ETS1: variants seen among roughly 807,000 people sequenced by gnomAD.
The protein encoded by ETS1 is ETS proto-oncogene 1, transcription factor, also known as protein C-ets-1.
ETS1 carries 15 observed loss-of-function variants against 58.6 expected under a neutral mutation model. The ratio of observed to expected loss-of-function variants is 0.26; its 90% CI spans 0.17 to 0.39. The LOEUF is 0.39. Ranked by LOEUF, ETS1 falls within the 10% of genes least tolerant of loss-of-function variation. ETS1 has a pLI of 1.00. For synonymous variants in ETS1, 214 were observed against 218.2 expected, an observed-to-expected ratio of 0.98 and a Z score of 0.17; for missense variants, 417 against 610.5, an observed-to-expected ratio of 0.68 and a Z score of 3.34.
chr11:128,488,889 T>C (rs1276208696), intron 5 of ETS1, among the ~76,000 whole-genome samples: 1 of 152,134 alleles, frequency 6.6e-6, no homozygotes, highest in Non-Finnish European at 1.5e-5. Flanking sequence ...TGAGGTATTA[T>C]GGGGCATGCA....
At position 128,460,628 on chromosome 11, in the gene ETS1, T is replaced by C. The variant is rs1366783599; in HGVS notation, c.*1733A>G. The C allele has an allele frequency of 6.6e-6, 1 of 152,356 alleles. No individual in the cohort carries two copies. Among genetic ancestry groups the C allele is most frequent in the Non-Finnish European group, 1.5e-5 (1 of 68,026 alleles). 9.4% of individuals were successfully genotyped at this position (152,356 alleles called of 1,614,324 possible). On this transcript the variant is annotated 3_prime_UTR_variant, in exon 10 of 10. Coordinates refer to ENST00000392668, the MANE Select transcript of ETS1 (RefSeq NM_001143820.2). ...TTCTAATTGTATTAGGCACTTTTCC[T>C]CACTAGTTAGATGTTGACTTTTCCT...
intron 3 of ETS1, among the ~76,000 whole-genome samples, chr11:128,555,379 T>C (rs1315308683): frequency 6.6e-6 from 1 of 152,218 alleles, no homozygotes; most frequent in Admixed American, 6.5e-5. Flanking sequence ...TTCAAGTTAG[T>C]GACTCCCCCT....
chr11:128,548,561 C>T lies in ETS1; in HGVS notation c.214+7730G>A, dbSNP rs1277799463. Among the ~76,000 whole-genome samples the T allele has an allele frequency of 2.0e-5, 3 of 152,232 alleles. No homozygotes were observed. The East Asian group carries it at 5.8e-4, about 29-fold the overall frequency. ...CTATCTCTCTATGTCCCCAACCTATCTGGAACTCCCTGTAACCTCTTGCAA... is the reference window on the plus strand; with the variant it reads ...CTATCTCTCTATGTCCCCAACCTATTTGGAACTCCCTGTAACCTCTTGCAA... On this transcript the variant is annotated intron_variant, in intron 3 of 9. Transcript: ENST00000392668.
At chr11:128,462,629 G>C in intron 9 of ETS1, 53 bp from the exon 10 acceptor site, 1 of 1,382,302 alleles carries the variant, frequency 7.2e-7, no homozygotes, top group Non-Finnish European at 1.0e-6. Flanking sequence ...CTACAAGACA[G>C]GCCAAATATA....
intron 3 of ETS1, among the ~76,000 whole-genome samples, chr11:128,528,331 A>T (rs1392961125): frequency 6.6e-6 from 1 of 152,204 alleles, no homozygotes; most frequent in Non-Finnish European, 1.5e-5. Flanking sequence ...AAAGGATCTC[A>T]GGAGGTCACA....
At chr11:128,527,766 G>C (rs887465676) in intron 3 of ETS1, among the ~76,000 whole-genome samples, 1 of 152,196 alleles carries the variant, frequency 6.6e-6, no homozygotes, top group Non-Finnish European at 1.5e-5. Flanking sequence ...CTGGTGGAAG[G>C]CTAAGGCCTT....
chr11:128,585,024 A>G (rs867670697), intron 1 of ETS1, among the ~76,000 whole-genome samples: 41 of 10,696 alleles, frequency 3.8e-3, no homozygotes, highest in East Asian at 0.014. Flanking sequence ...AAGAAAGAAG[A>G]AAGAAAGAAA....
chr11:128,493,067 C>T (rs537383350), intron 3 of ETS1, among the ~76,000 whole-genome samples: 3 of 152,204 alleles, frequency 2.0e-5, no homozygotes, highest in Admixed American at 6.5e-5. Context: ...TTACTGATGG[C>T]GGAAATTGGC....
chr11:128,484,900 G>C lies in ETS1; in HGVS notation c.785C>G (p.Thr262Ser), dbSNP rs766138089. The change falls in exon 7 of 10, where the codon ACC (threonine) becomes AGC (serine). Residue 262 changes from threonine to serine, a missense_variant. Transcript: ENST00000392668. ...GATAGCAAAGTAGTCATTCTGCAAGGTGTCTGTCTGGAGAGGGTCTCGGAG... is the reference window on the plus strand; with the variant it reads ...GATAGCAAAGTAGTCATTCTGCAAGCTGTCTGTCTGGAGAGGGTCTCGGAG... ...VILRDPLQTD[T>S]LQNDYFAIKQ... 5.6e-6 allele frequency: 9 copies of C among 1,613,824 alleles called. No homozygotes were observed. Among genetic ancestry groups the C allele is most frequent in the South Asian group, 1.1e-5 (1 of 91,072 alleles).
At chr11:128,566,586 A>G (rs958360305) in intron 2 of ETS1, among the ~76,000 whole-genome samples, 5 of 152,154 alleles carry the variant, frequency 3.3e-5, no homozygotes, top group African/African-American at 4.8e-5. Context: ...GATCGAGACC[A>G]TCCTGGCTAA....
At chr11:128,523,557 C>T (rs902336949) in intron 3 of ETS1, among the ~76,000 whole-genome samples, 1 of 152,196 alleles carries the variant, frequency 6.6e-6, no homozygotes, top group Non-Finnish European at 1.5e-5. Context: ...GTAACCTCTG[C>T]CTCTGGTAAG....
At chr11:128,501,473 T>C (rs1378344221) in intron 3 of ETS1, among the ~76,000 whole-genome samples, 1 of 152,246 alleles carries the variant, frequency 6.6e-6, no homozygotes, top group East Asian at 1.9e-4. Flanking sequence ...TTATCCATAT[T>C]AACTTCACTT....
intron 5 of ETS1, among the ~76,000 whole-genome samples, chr11:128,488,980 TG>T (rs1862718048): frequency 6.6e-6 from 1 of 152,234 alleles, no homozygotes; most frequent in Non-Finnish European, 1.5e-5. Context: ...CTGTGGGCAC[TG>T]CTTGTTCAAC....
At chr11:128,528,232 G>A (rs1185594100) in intron 3 of ETS1, among the ~76,000 whole-genome samples, 1 of 152,148 alleles carries the variant, frequency 6.6e-6, no homozygotes, top group Non-Finnish European at 1.5e-5. Context: ...TGTCTTGCAT[G>A]GCCAACAGTC....
At chr11:128,531,141 C>T (rs959663878) in intron 3 of ETS1, among the ~76,000 whole-genome samples, 8 of 152,176 alleles carry the variant, frequency 5.3e-5, no homozygotes, top group African/African-American at 1.9e-4. Flanking sequence ...AGGGAGGCAA[C>T]ATAGTAGAGT....
rs145828650 is a variant in ETS1 at position 128,508,919 on chromosome 11, T to C, written c.215-18343A>G. Among the ~76,000 whole-genome samples the C allele has an allele frequency of 2.7e-3, 404 of 152,276 alleles. 2 individuals carry two copies. Among genetic ancestry groups the C allele is most frequent in the African/African-American group, 9.3e-3 (386 of 41,556 alleles). ...AATATTTTCTTACGAACCAAGGCAGTCGGGGGCAACTGAAGACTTGCATCA... is the reference window on the plus strand; with the variant it reads ...AATATTTTCTTACGAACCAAGGCAGCCGGGGGCAACTGAAGACTTGCATCA... On this transcript the variant is annotated intron_variant, in intron 3 of 9. Coordinates refer to ENST00000392668, the MANE Select transcript of ETS1 (RefSeq NM_001143820.2).
intron 3 of ETS1, among the ~76,000 whole-genome samples, chr11:128,511,052 A>C (rs1202998916): frequency 3.3e-5 from 5 of 152,220 alleles, no homozygotes; most frequent in African/African-American, 1.2e-4. Flanking sequence ...AAAATTGTTC[A>C]TCTAAGATGA....
At position 128,462,253 on chromosome 11, in the gene ETS1, T is replaced by C; in HGVS notation, c.*108A>G. 1 of 878,352 alleles carries C rather than the reference T, an allele frequency of 1.1e-6. No homozygotes were observed. The allele number at this position is 878,352 out of a possible 1,614,324, so 54.4% of individuals were successfully genotyped here. A position where few individuals can be genotyped will look rare whatever the true frequency, so the allele number is the denominator to read the frequency against. ...AGCTCCCACCCCTGAAGGTAAAAAATGAGTTCTGGAAAATAAAAAATAGAA... is the reference window on the plus strand; with the variant it reads ...AGCTCCCACCCCTGAAGGTAAAAAACGAGTTCTGGAAAATAAAAAATAGAA... On this transcript the variant is annotated 3_prime_UTR_variant, in exon 10 of 10. Transcript: ENST00000392668.
At chr11:128,583,777 G>A (rs1410686170) in intron 1 of ETS1, among the ~76,000 whole-genome samples, 1 of 151,880 alleles carries the variant, frequency 6.6e-6, no homozygotes, top group Non-Finnish European at 1.5e-5. Context: ...TGCACTAAAT[G>A]TTTGTTGCTT....
Sources: allele counts gnomAD v4.1 joint callset (sites outside exome capture counted in the v4.1 genomes callset), GRCh38; gene constraint gnomAD v4.1.1; transcripts MANE v1.5; gene names NCBI Gene and HGNC (gene_info 2026-07-23, HGNC 2026-07-21).